IL1RAPL2: variants seen among roughly 807,000 people sequenced by gnomAD.
IL1RAPL2 encodes interleukin 1 receptor accessory protein like 2.
A neutral mutation model predicts 44.1 loss-of-function variants in IL1RAPL2; 3 were observed. The ratio of observed to expected loss-of-function variants is 0.07; its 90% CI spans 0.03 to 0.18. IL1RAPL2 has a LOEUF of 0.18. Among genes scored for constraint, IL1RAPL2 ranks in the 10% least tolerant of loss-of-function variants. IL1RAPL2 has a pLI of 1.00. For missense variants in IL1RAPL2, 391 were observed against 496.4 expected, an observed-to-expected ratio of 0.79 and a Z score of 2.02; for synonymous variants, 181 against 178.8, an observed-to-expected ratio of 1.01 and a Z score of -0.10.
chrX:104,569,218 C>A (rs1006052403), intron 1 of IL1RAPL2, among the ~76,000 whole-genome samples: 4 of 111,933 alleles, frequency 3.6e-5, no homozygotes, highest in African/African-American at 1.3e-4. Flanking sequence ...CTGCTTCCCT[C>A]TCTGATATCT....
chrX:104,667,823 A>G (rs1186388488), intron 2 of IL1RAPL2, among the ~76,000 whole-genome samples: 1 of 111,662 alleles, frequency 9.0e-6, no homozygotes, highest in Non-Finnish European at 1.9e-5. Flanking sequence ...GATATGTCTT[A>G]TTTACAACTC....
chrX:104,811,517 C>T (rs1932979167), intron 2 of IL1RAPL2, among the ~76,000 whole-genome samples: 1 of 109,275 alleles, frequency 9.2e-6, no homozygotes, highest in Admixed American at 9.8e-5. Context: ...TTTTCCCCCT[C>T]TTTTTTTTTC....
chrX:105,420,266 C>T (rs2147745158), intron 5 of IL1RAPL2, among the ~76,000 whole-genome samples: 1 of 111,875 alleles, frequency 8.9e-6, no homozygotes, highest in South Asian at 3.7e-4. Context: ...GTACTGTCAC[C>T]ACAACAAGTC....
intron 2 of IL1RAPL2, among the ~76,000 whole-genome samples, chrX:105,128,848 C>A (rs1250585568): frequency 9.0e-6 from 1 of 111,016 alleles, no homozygotes; most frequent in Non-Finnish European, 1.9e-5. Flanking sequence ...TAGTACAAAA[C>A]AAAATGTGTC....
chrX:104,760,660 ACTC>A lies in IL1RAPL2; in HGVS notation c.82+101668_82+101670del, dbSNP rs769924258. On this transcript the variant is annotated intron_variant, in intron 2 of 10. Coordinates refer to ENST00000372582, the MANE Select transcript of IL1RAPL2 (RefSeq NM_017416.2). ...ATTTTTTTCCTATAGCATAGTTTGA[ACTC>A]CTTCTATTTTCTGGTTATTAATTGC... Among the ~76,000 whole-genome samples the A allele has an allele frequency of 7.4e-5, 8 of 107,798 alleles. 1 individual carries two copies. The highest frequency in any genetic ancestry group is 3.0e-4 in the East Asian group (1 of 3,358). 93.6% of individuals were successfully genotyped at this position (107,798 alleles called of 115,157 possible).
intron 1 of IL1RAPL2, among the ~76,000 whole-genome samples, chrX:104,630,397 T>C (rs939718472): frequency 2.7e-5 from 3 of 110,460 alleles, no homozygotes; most frequent in African/African-American, 9.9e-5. Context: ...TTAACCTGCC[T>C]CGGCCTCCCA....
intron 8 of IL1RAPL2, 57 bp downstream of exon 8, chrX:105,740,748 T>C (rs1480163661): frequency 2.9e-6 from 3 of 1,051,382 alleles, no homozygotes; most frequent in Non-Finnish European, 3.9e-6. Flanking sequence ...ACTATTGAAG[T>C]TAGAGATATT....
chrX:105,219,157 T>A (rs2033906824), intron 3 of IL1RAPL2: 1 of 1,211,052 alleles, frequency 8.3e-7, no homozygotes, highest in Admixed American at 2.2e-5. Flanking sequence ...GGGCCCCCCA[T>A]CAGACCACAG....
chrX:104,871,061 A>G (rs1338441136), intron 2 of IL1RAPL2, among the ~76,000 whole-genome samples: 2 of 111,269 alleles, frequency 1.8e-5, no homozygotes, highest in Non-Finnish European at 3.8e-5. Context: ...TATAAAGAAA[A>G]AGTCAAATTA....
intron 2 of IL1RAPL2, among the ~76,000 whole-genome samples, chrX:105,110,661 C>T (rs866256612): frequency 8.9e-6 from 1 of 112,001 alleles, no homozygotes; most frequent in Middle Eastern, 4.6e-3. Flanking sequence ...TGAGTGACAG[C>T]AGGCACAGTG....
chrX:104,833,626 G>T lies in IL1RAPL2; in HGVS notation c.82+174631G>T, dbSNP rs142152594. ...TCCACAGAAGAGGTTTGCCCTAGGA[G>T]ACTCATGAGCAGTGGCTAGTTGTGC... is the stretch of plus-strand genomic sequence containing the variant. On this transcript the variant is annotated intron_variant, in intron 2 of 10. Transcript: ENST00000372582. 3.5e-4 allele frequency among the ~76,000 whole-genome samples: 39 copies of T among 111,564 alleles called. No homozygotes were observed. In the East Asian group the frequency reaches 9.6e-3, roughly 27 times the overall value.
At chrX:105,234,497 A>G (rs892225717) in intron 4 of IL1RAPL2, among the ~76,000 whole-genome samples, 2 of 111,998 alleles carry the variant, frequency 1.8e-5, no homozygotes, top group Admixed American at 9.5e-5. Context: ...GAAATAAACC[A>G]CACTCAAAGG....
At chrX:105,664,376 G>A (rs1040748116) in intron 6 of IL1RAPL2, among the ~76,000 whole-genome samples, 2 of 111,917 alleles carry the variant, frequency 1.8e-5, no homozygotes, top group African/African-American at 6.5e-5. Context: ...TTGTGTAAAT[G>A]CAGTCAGGTT....
At chrX:105,059,586 A>G (rs760267274) in intron 2 of IL1RAPL2, among the ~76,000 whole-genome samples, 1 of 110,916 alleles carries the variant, frequency 9.0e-6, no homozygotes, top group East Asian at 2.8e-4. Flanking sequence ...GCTGGAGTGC[A>G]GTAGCACAGT....
At chrX:105,097,983 C>T (rs1156568787) in intron 2 of IL1RAPL2, among the ~76,000 whole-genome samples, 1 of 111,432 alleles carries the variant, frequency 9.0e-6, no homozygotes, top group Non-Finnish European at 1.9e-5. Flanking sequence ...GGAAATATAC[C>T]CATCACATAG....
At chrX:105,529,354 T>G (rs893742275) in intron 6 of IL1RAPL2, among the ~76,000 whole-genome samples, 5 of 111,539 alleles carry the variant, frequency 4.5e-5, no homozygotes, top group African/African-American at 1.6e-4. Flanking sequence ...TTTGAGACTA[T>G]TTGAATACTC....
At chrX:104,921,251 CA>C (rs2147691757) in intron 2 of IL1RAPL2, among the ~76,000 whole-genome samples, 1 of 106,723 alleles carries the variant, frequency 9.4e-6, no homozygotes, top group Admixed American at 9.9e-5. Context: ...ACCCCCACCC[CA>C]GAGCTTTGCA....
intron 2 of IL1RAPL2, among the ~76,000 whole-genome samples, chrX:105,039,835 A>G (rs944545714): frequency 2.7e-5 from 3 of 111,391 alleles, no homozygotes; most frequent in Admixed American, 1.9e-4. Flanking sequence ...AACAGGGACA[A>G]TTTGACTTCC....
Position 105,438,248 on chromosome X carries a change from A to G in IL1RAPL2, c.698-46065A>G, listed in dbSNP as rs374458914. Among the ~76,000 whole-genome samples the G allele has an allele frequency of 1.0e-3, 113 of 111,409 alleles. 1 individual carries two copies. Among genetic ancestry groups the G allele is most frequent in the Non-Finnish European group, 1.9e-3 (102 of 53,133 alleles). ...ATGGCACAGAGGTTGATGACGTGAGAAATAATGACCTGGTTAAGTACCAGA... is the reference window on the plus strand; with the variant it reads ...ATGGCACAGAGGTTGATGACGTGAGGAATAATGACCTGGTTAAGTACCAGA... On this transcript the variant is annotated intron_variant, in intron 5 of 10. Transcript: ENST00000372582.
Sources: allele counts gnomAD v4.1 joint callset (sites outside exome capture counted in the v4.1 genomes callset), GRCh38; gene constraint gnomAD v4.1.1; transcripts MANE v1.5; gene names NCBI Gene and HGNC (gene_info 2026-07-23, HGNC 2026-07-21).